The following LGR5 variants were observed in gnomAD, a reference collection of about 807,000 sequenced individuals.
LGR5 encodes leucine-rich repeat-containing G protein-coupled receptor 5.
Under a neutral mutation model 76.7 loss-of-function variants are expected in LGR5, and 54 were observed. The observed-to-expected ratio is 0.70, with a 90% CI of 0.57 to 0.88. The LOEUF is 0.88. Ranked by LOEUF, LGR5 falls within the 40% of genes least tolerant of loss-of-function variation. LGR5 has a pLI of 0.00. For missense variants in LGR5, 1,078 were observed against 1,073.3 expected, an observed-to-expected ratio of 1.00 and a Z score of -0.06; for synonymous variants, 406 against 421.9, an observed-to-expected ratio of 0.96 and a Z score of 0.46.
At chr12:71,520,252 C>A (rs1472152341) in intron 2 of LGR5, among the ~76,000 whole-genome samples, 1 of 152,132 alleles carries the variant, frequency 6.6e-6, no homozygotes, top group East Asian at 1.9e-4. Flanking sequence ...TATGGTGTAA[C>A]ATGGTTGGAC....
At chr12:71,446,003 T>G (rs528788158) in intron 1 of LGR5, among the ~76,000 whole-genome samples, 3 of 152,300 alleles carry the variant, frequency 2.0e-5, no homozygotes, top group South Asian at 4.2e-4. Context: ...GCTCTTTCCT[T>G]CAGGGCTTAT....
intron 1 of LGR5, among the ~76,000 whole-genome samples, chr12:71,484,095 T>C (rs1295131958): frequency 1.3e-5 from 2 of 152,224 alleles, no homozygotes; most frequent in Non-Finnish European, 2.9e-5. Context: ...TAAGAATCTG[T>C]AGCTCAGATG....
chr12:71,531,035 T>G (rs1372275567), intron 3 of LGR5, among the ~76,000 whole-genome samples: 1 of 148,568 alleles, frequency 6.7e-6, no homozygotes, highest in Admixed American at 6.7e-5. Context: ...ACCAAAAAAT[T>G]GTGTAGAGTA....
At chr12:71,505,652 T>A (rs190912997) in intron 2 of LGR5, among the ~76,000 whole-genome samples, 7 of 152,320 alleles carry the variant, frequency 4.6e-5, no homozygotes, top group Admixed American at 2.6e-4. Flanking sequence ...TACACTACGT[T>A]GACCATTTTC....
chr12:71,505,560 C>T (rs1221232403), intron 2 of LGR5, among the ~76,000 whole-genome samples: 1 of 152,050 alleles, frequency 6.6e-6, no homozygotes, highest in Non-Finnish European at 1.5e-5. Context: ...AGTCAGAGTC[C>T]AATTTGGGGA....
At chr12:71,524,535 A>G in intron 3 of LGR5, 58 bp downstream of exon 3, 1 of 1,222,914 alleles carries the variant, frequency 8.2e-7, no homozygotes, top group African/African-American at 1.5e-5. Context: ...ATGGCTGCTA[A>G]TTAACTTGTA....
Position 71,583,683 on chromosome 12 carries a change from G to C in LGR5, c.1673G>C (p.Trp558Ser). The C allele has an allele frequency of 6.2e-7, 1 of 1,613,890 alleles. No homozygotes were observed. The highest frequency in any genetic ancestry group is 1.3e-5 in the African/African-American group (1 of 75,040). ...CCCTGTGAACACCTGCTTGATGGCTGGCTGATCAGAATTGGAGTGTGGACC... is the reference window on the plus strand; with the variant it reads ...CCCTGTGAACACCTGCTTGATGGCTCGCTGATCAGAATTGGAGTGTGGACC... ...FKPCEHLLDG[W>S]LIRIGVWTIA... is the part of the protein sequence containing the mutation. Residue 558 changes from tryptophan (W) to serine (S), a missense_variant, in exon 18 of 18, where the codon TGG becomes TCG. Trp to Ser is a radical substitution (Grantham distance 177). Coordinates refer to ENST00000266674, the MANE Select transcript of LGR5 (RefSeq NM_003667.4).
chr12:71,458,060 A>G (rs1433229201), intron 1 of LGR5, among the ~76,000 whole-genome samples: 1 of 152,052 alleles, frequency 6.6e-6, no homozygotes, highest in Non-Finnish European at 1.5e-5. Flanking sequence ...ACATGTAGTC[A>G]TTAGATGAGA....
chr12:71,581,295 G>A (rs192855071), intron 16 of LGR5, among the ~76,000 whole-genome samples: 5 of 152,344 alleles, frequency 3.3e-5, no homozygotes, highest in Admixed American at 6.5e-5. Context: ...GATAATGTCT[G>A]TAAAGCTTGG....
chr12:71,512,569 G>A (rs1875213771), intron 2 of LGR5, among the ~76,000 whole-genome samples: 1 of 152,150 alleles, frequency 6.6e-6, no homozygotes, highest in South Asian at 2.1e-4. Context: ...AAGCTGTACA[G>A]GTGGGCTGAG....
At chr12:71,458,753 C>T (rs1389715697) in intron 1 of LGR5, among the ~76,000 whole-genome samples, 1 of 152,120 alleles carries the variant, frequency 6.6e-6, no homozygotes, top group Non-Finnish European at 1.5e-5. Context: ...AACTGCCCAC[C>T]TTGTGCTAGA....
chr12:71,528,911 G>T lies in LGR5; in HGVS notation c.356+4434G>T, dbSNP rs139704412. Among the ~76,000 whole-genome samples the T allele has an allele frequency of 1.5e-3, 232 of 152,258 alleles. 3 individuals carry two copies. In the East Asian group the frequency reaches 0.042, roughly 28 times the overall value. On this transcript the variant is annotated intron_variant, in intron 3 of 17. Coordinates refer to ENST00000266674, the MANE Select transcript of LGR5 (RefSeq NM_003667.4). ...TTAAAGTACTGGGGAATTAATGCTT[G>T]CTTCAGAATGTTATGGAATTTTGAG...
At chr12:71,452,846 T>C (rs932039989) in intron 1 of LGR5, among the ~76,000 whole-genome samples, 1 of 152,224 alleles carries the variant, frequency 6.6e-6, no homozygotes, top group African/African-American at 2.4e-5. Context: ...TAAGTTGTTG[T>C]GAAGACTGGT....
At chr12:71,470,755 T>C (rs1420736613) in intron 1 of LGR5, among the ~76,000 whole-genome samples, 2 of 152,162 alleles carry the variant, frequency 1.3e-5, no homozygotes, top group African/African-American at 2.4e-5. Context: ...ATGGACACCT[T>C]ACAACAAACC....
chr12:71,485,659 G>A (rs1014070434), intron 1 of LGR5, among the ~76,000 whole-genome samples: 1 of 152,172 alleles, frequency 6.6e-6, no homozygotes, highest in African/African-American at 2.4e-5. Context: ...AAGCCCAGGA[G>A]GGTGAGGCTG....
At chr12:71,575,014 A>T (rs1025116122) in intron 13 of LGR5, among the ~76,000 whole-genome samples, 1 of 152,200 alleles carries the variant, frequency 6.6e-6, no homozygotes, top group Non-Finnish European at 1.5e-5. Flanking sequence ...TTGCTTAAGA[A>T]TTTAAACATG....
At chr12:71,458,866 G>C (rs1034669317) in intron 1 of LGR5, among the ~76,000 whole-genome samples, 5 of 151,792 alleles carry the variant, frequency 3.3e-5, no homozygotes, top group Non-Finnish European at 7.4e-5. Context: ...TAAGATGAAA[G>C]AGCTCTGATG....
chr12:71,493,943 A>AT (rs547681278), intron 1 of LGR5, among the ~76,000 whole-genome samples: 10,291 of 116,548 alleles, frequency 0.088, 671 homozygotes, highest in African/African-American at 0.14. Context: ...TAATTTTTTG[A>AT]TTTTTTTTTT....
At chr12:71,461,415 C>G (rs1370254796) in intron 1 of LGR5, among the ~76,000 whole-genome samples, 1 of 152,140 alleles carries the variant, frequency 6.6e-6, no homozygotes, top group Non-Finnish European at 1.5e-5. Context: ...AATTTGCTAA[C>G]TTGGCATTTT....
Sources: allele counts gnomAD v4.1 joint callset (sites outside exome capture counted in the v4.1 genomes callset), GRCh38; gene constraint gnomAD v4.1.1; transcripts MANE v1.5; gene names NCBI Gene and HGNC (gene_info 2026-07-23, HGNC 2026-07-21).